FOXP2: variants seen among roughly 807,000 people sequenced by gnomAD.
FOXP2 encodes forkhead box protein P2.
In FOXP2, 12 loss-of-function variants were observed where a neutral mutation model predicts 115.8. The observed-to-expected ratio is 0.10, with a 90% CI of 0.07 to 0.17. The LOEUF is 0.17. Ranked by LOEUF, FOXP2 falls within the 10% of genes least tolerant of loss-of-function variation. FOXP2 has a pLI of 1.00. For synonymous variants in FOXP2, 328 were observed against 297.7 expected, an observed-to-expected ratio of 1.10 and a Z score of -1.05; for missense variants, 629 against 843.5, an observed-to-expected ratio of 0.75 and a Z score of 3.15.
At chr7:114,119,257 A>G (rs1216233342) in intron 1 of FOXP2, among the ~76,000 whole-genome samples, 8 of 152,134 alleles carry the variant, frequency 5.3e-5, no homozygotes. Context: ...TGTATTGAAG[A>G]GCTTCTACTG....
chr7:114,586,160 G>T (rs1802119434), intron 3 of FOXP2, among the ~76,000 whole-genome samples: 1 of 152,178 alleles, frequency 6.6e-6, no homozygotes, highest in Admixed American at 6.5e-5. Context: ...AAATTTTTCA[G>T]CTGGTTAACT....
At chr7:114,672,848 G>A (rs1022509726) in intron 16 of FOXP2, among the ~76,000 whole-genome samples, 10 of 152,062 alleles carry the variant, frequency 6.6e-5, no homozygotes, top group Non-Finnish European at 1.2e-4. Flanking sequence ...AGCCAGCAGC[G>A]GATGGGTAAC....
intron 2 of FOXP2, among the ~76,000 whole-genome samples, chr7:114,343,431 C>A (rs906211576): frequency 6.6e-6 from 1 of 151,440 alleles, no homozygotes; most frequent in Non-Finnish European, 1.5e-5. Flanking sequence ...TGCAGAAGGG[C>A]AGGGAATAAA....
intron 2 of FOXP2, among the ~76,000 whole-genome samples, chr7:114,338,848 T>A (rs1791122410): frequency 1.3e-5 from 2 of 150,806 alleles, no homozygotes; most frequent in African/African-American, 4.8e-5. Flanking sequence ...AAGGGTATAT[T>A]TGCCATAATC....
intron 11 of FOXP2, 98 bp downstream of exon 11, chr7:114,658,365 C>A: frequency 8.2e-7 from 1 of 1,224,274 alleles, no homozygotes; most frequent in Non-Finnish European, 1.2e-6. Flanking sequence ...CATGGAAACT[C>A]ATGTCATGAT....
In FOXP2 at chr7:114,415,128, C is replaced by G. The variant is rs1793278607; in HGVS notation, c.-243C>G. ...GCTTGATTTGTTTTAATTACCAGCA[C>G]AAAATGCCATCAGTCTGGGACGTGA... On this transcript the variant is annotated 5_prime_UTR_variant, in exon 1 of 17. Coordinates refer to ENST00000350908, the MANE Select transcript of FOXP2 (RefSeq NM_014491.4). 2.2e-6 allele frequency: 1 copy of G among 454,294 alleles called. No individual in the cohort carries two copies. The highest frequency in any genetic ancestry group is 4.4e-6 in the Non-Finnish European group (1 of 226,688). The allele number at this position is 454,294 out of a possible 1,614,324, so 28.1% of individuals were successfully genotyped here. A position where few individuals can be genotyped will look rare whatever the true frequency, so the allele number is the denominator to read the frequency against.
intron 1 of FOXP2, among the ~76,000 whole-genome samples, chr7:114,140,434 A>T (rs1792174910): frequency 6.6e-6 from 1 of 152,092 alleles, no homozygotes; most frequent in Non-Finnish European, 1.5e-5. Context: ...ACGGTTTCTT[A>T]ATTTCCACAT....
intron 1 of FOXP2, among the ~76,000 whole-genome samples, chr7:114,213,935 C>CTA (rs983516959): frequency 1.2e-4 from 18 of 152,214 alleles, no homozygotes; most frequent in African/African-American, 4.3e-4. Context: ...GTAAAGAAGA[C>CTA]TATAGGAGAA....
Position 114,588,333 on chromosome 7 carries a change from AAAAC to A in FOXP2, c.259-40195_259-40192del, listed in dbSNP as rs528379388. Reference sequence around the variant, plus strand: ...AAAACAAAAACAAAAACAAAAACAAAAAACAAACAAACAAAAAAACTTTAAAGGA... The same window carrying A: ...AAAACAAAAACAAAAACAAAAACAAAAAACAAACAAAAAAACTTTAAAGGA... On this transcript the variant is annotated intron_variant, in intron 3 of 16. Coordinates refer to ENST00000350908, the MANE Select transcript of FOXP2 (RefSeq NM_014491.4). Among the ~76,000 whole-genome samples, 312 of 152,098 alleles carry A rather than the reference AAAAC, an allele frequency of 2.1e-3. 1 individual carries two copies. Among genetic ancestry groups the A allele is most frequent in the Non-Finnish European group, 3.2e-3 (215 of 67,974 alleles).
intron 2 of FOXP2, among the ~76,000 whole-genome samples, chr7:114,381,199 T>C (rs1015979863): frequency 6.6e-6 from 1 of 152,230 alleles, no homozygotes; most frequent in Non-Finnish European, 1.5e-5. Flanking sequence ...TAAGCCAGTA[T>C]AGGTTAGATA....
chr7:114,302,922 A>G (rs1308909937), intron 2 of FOXP2, among the ~76,000 whole-genome samples: 1 of 152,076 alleles, frequency 6.6e-6, no homozygotes, highest in Non-Finnish European at 1.5e-5. Flanking sequence ...CAAATCCAGG[A>G]ATGAATTCTG....
intron 2 of FOXP2, among the ~76,000 whole-genome samples, chr7:114,457,894 CAAA>C (rs397740229): frequency 3.5e-5 from 4 of 115,638 alleles, no homozygotes; most frequent in Non-Finnish European, 1.8e-5. Context: ...GACTCCGTCT[CAAA>C]AAAAAAAAAA....
intron 7 of FOXP2, among the ~76,000 whole-genome samples, 179 bp downstream of exon 7, chr7:114,642,802 ATATATATATATT>A (rs1165719369): frequency 8.1e-5 from 1 of 12,348 alleles, no homozygotes; most frequent in African/African-American, 1.2e-4. Flanking sequence ...ATATATATAT[ATATATATATATT>A]TTTTTTTTTT....
chr7:114,286,005 A>G (rs1328694685), intron 1 of FOXP2, among the ~76,000 whole-genome samples: 1 of 151,940 alleles, frequency 6.6e-6, no homozygotes, highest in Admixed American at 6.6e-5. Context: ...AAGTTGTTAC[A>G]TGTGTGTCTC....
At chr7:114,568,263 G>C (rs925110783) in intron 3 of FOXP2, among the ~76,000 whole-genome samples, 1 of 151,726 alleles carries the variant, frequency 6.6e-6, no homozygotes, top group African/African-American at 2.4e-5. Flanking sequence ...TATGTTAGCA[G>C]GAATAATTTG....
At chr7:114,096,311 TAACTC>T (rs1449977440) in intron 1 of FOXP2, among the ~76,000 whole-genome samples, 2 of 152,226 alleles carry the variant, frequency 1.3e-5, no homozygotes, top group African/African-American at 4.8e-5. Context: ...AAAATGAAAT[TAACTC>T]AACAGTCTGA....
At chr7:114,539,186 A>T (rs1799535375) in intron 3 of FOXP2, among the ~76,000 whole-genome samples, 1 of 151,950 alleles carries the variant, frequency 6.6e-6, no homozygotes, top group Non-Finnish European at 1.5e-5. Flanking sequence ...ATCAAGAATA[A>T]GTTATAAAAG....
At chr7:114,291,778 A>T (rs79885874) in intron 2 of FOXP2, among the ~76,000 whole-genome samples, 8,715 of 149,274 alleles carry the variant, frequency 0.058, 729 homozygotes, top group African/African-American at 0.18. Flanking sequence ...CAGTCTTGCT[A>T]CTTTAAAGCC....
chr7:114,332,660 G>A (rs1797740827), intron 2 of FOXP2, among the ~76,000 whole-genome samples: 1 of 152,010 alleles, frequency 6.6e-6, no homozygotes, highest in Non-Finnish European at 1.5e-5. Context: ...GTAGAAGAAG[G>A]AAAAGTTAAG....
Sources: gnomAD v4.1 joint callset for allele counts (sites outside exome capture counted in the v4.1 genomes callset) on GRCh38, gnomAD v4.1.1 for gene constraint, MANE v1.5 for transcripts, NCBI Gene and HGNC (gene_info 2026-07-23, HGNC 2026-07-21) for gene names.